Variants in LRP1B observed in about 807,000 individuals in gnomAD.
The protein encoded by LRP1B is LDL receptor related protein 1B.
A neutral mutation model predicts 556.6 loss-of-function variants in LRP1B; 217 were observed. The observed-to-expected ratio is 0.39, with a 90% confidence interval of 0.35 to 0.44. The LOEUF is 0.44. Ranked by LOEUF, LRP1B falls within the 20% of genes least tolerant of loss-of-function variation. LRP1B has a pLI of 1.00. For synonymous variants in LRP1B, 2,047 were observed against 1,865.8 expected (o/e 1.10, Z -2.50); for missense variants, 5,053 against 5,620.8 (o/e 0.90, Z 3.23).
At chr2:140,515,097 T>C (rs1689835861) in intron 50 of LRP1B, among the ~76,000 whole-genome samples, 2 of 152,164 alleles carry the variant, frequency 1.3e-5, no homozygotes, top group Non-Finnish European at 2.9e-5. Flanking sequence ...AGATATAAAA[T>C]ATATATTTCT....
At chr2:142,060,822 CAATT>C (rs1704878556) in intron 1 of LRP1B, among the ~76,000 whole-genome samples, 1 of 151,946 alleles carries the variant, frequency 6.6e-6, no homozygotes, top group African/African-American at 2.4e-5. Context: ...GTTAATAGAG[CAATT>C]AATTTGTCAA....
chr2:140,614,623 G>T (rs1683195228), intron 41 of LRP1B, among the ~76,000 whole-genome samples: 1 of 152,120 alleles, frequency 6.6e-6, no homozygotes, highest in South Asian at 2.1e-4. Flanking sequence ...TGGCAGAAGA[G>T]AAGAAAAAGT....
intron 41 of LRP1B, among the ~76,000 whole-genome samples, chr2:140,696,562 A>T (rs938321694): frequency 2.0e-5 from 3 of 152,310 alleles, no homozygotes; most frequent in South Asian, 4.1e-4. Context: ...AGAGGTTGCC[A>T]ACCCCTGGAC....
chr2:141,610,641 T>G (rs1688077535), intron 2 of LRP1B, among the ~76,000 whole-genome samples: 1 of 152,150 alleles, frequency 6.6e-6, no homozygotes, highest in Non-Finnish European at 1.5e-5. Flanking sequence ...CTTACTTGAT[T>G]GTAAATGCCT....
chr2:141,904,695 A>G (rs1000924452), intron 1 of LRP1B, among the ~76,000 whole-genome samples: 1 of 151,972 alleles, frequency 6.6e-6, no homozygotes, highest in Non-Finnish European at 1.5e-5. Flanking sequence ...GAGGATAGCT[A>G]GGAGGAAACA....
intron 32 of LRP1B, among the ~76,000 whole-genome samples, chr2:140,811,214 T>C (rs571019315): frequency 8.5e-5 from 13 of 152,314 alleles, no homozygotes; most frequent in African/African-American, 2.9e-4. Context: ...ATTCACAGCA[T>C]TGACACAATA....
chr2:140,650,309 TTTTATTTATTTATTTATTTATTTATTTA>T (rs67816685), intron 41 of LRP1B, among the ~76,000 whole-genome samples: 1 of 137,984 alleles, frequency 7.2e-6, no homozygotes, highest in African/African-American at 2.7e-5. Context: ...TTATTTTTAT[TTTTATTTATTTATTTATTTATTTATTTA>T]TTTATTTATT....
In LRP1B at chr2:140,582,439, G is replaced by A. The variant is rs547234962; in HGVS notation, c.7194+16192C>T. Among the ~76,000 whole-genome samples, 65 of 152,202 alleles carry A rather than the reference G, an allele frequency of 4.3e-4. 1 individual carries two copies. In the South Asian group the frequency reaches 5.2e-3, roughly 12 times the overall value. ...AAAGCAGGGTTATAATTGGTGCTAC[G>A]GTTCGAATGTCTTCCAAAATTTATG... is the stretch of plus-strand genomic sequence containing the variant. On this transcript the variant is annotated intron_variant, in intron 43 of 90. Transcript: ENST00000389484.
chr2:140,893,820 G>A (rs1431337899), intron 23 of LRP1B, among the ~76,000 whole-genome samples: 3 of 152,062 alleles, frequency 2.0e-5, no homozygotes, highest in Admixed American at 1.3e-4. Flanking sequence ...TAAATGAAGC[G>A]ACATATGTGA....
chr2:141,614,937 C>A (rs549998230), intron 2 of LRP1B, among the ~76,000 whole-genome samples: 1 of 152,102 alleles, frequency 6.6e-6, no homozygotes, highest in Non-Finnish European at 1.5e-5. Flanking sequence ...GGTATAATAA[C>A]GTGGAAGTGG....
At chr2:141,802,635 G>A (rs985472940) in intron 2 of LRP1B, among the ~76,000 whole-genome samples, 1 of 152,006 alleles carries the variant, frequency 6.6e-6, no homozygotes, top group Non-Finnish European at 1.5e-5. Flanking sequence ...GAGAAAAAAA[G>A]GCATCACCAT....
chr2:140,825,631 A>G (rs1371995566), intron 31 of LRP1B, among the ~76,000 whole-genome samples: 1 of 152,174 alleles, frequency 6.6e-6, no homozygotes, highest in African/African-American at 2.4e-5. Context: ...TGTGTATAAT[A>G]TTAGTCGTAA....
intron 1 of LRP1B, among the ~76,000 whole-genome samples, chr2:141,874,084 ATTTTTTTTTTT>A (rs200281267): frequency 4.8e-5 from 5 of 103,124 alleles, no homozygotes; most frequent in East Asian, 2.6e-4. Flanking sequence ...TGAACTAACA[ATTTTTTTTTTT>A]TTTTTTTTTT....
intron 7 of LRP1B, among the ~76,000 whole-genome samples, chr2:141,064,129 G>T (rs1469765722): frequency 6.6e-6 from 1 of 151,818 alleles, no homozygotes; most frequent in Non-Finnish European, 1.5e-5. Context: ...AGTAAAGGAG[G>T]TCAGAAGTTA....
At chr2:141,291,523 A>T (rs1304651866) in intron 3 of LRP1B, among the ~76,000 whole-genome samples, 4 of 152,080 alleles carry the variant, frequency 2.6e-5, no homozygotes, top group Non-Finnish European at 2.9e-5. Context: ...GGCAAAATCT[A>T]TTTGAAGATA....
intron 4 of LRP1B, among the ~76,000 whole-genome samples, chr2:141,248,922 G>A (rs1028490571): frequency 3.3e-5 from 5 of 152,172 alleles, no homozygotes; most frequent in African/African-American, 1.2e-4. Flanking sequence ...AGACTCAAAT[G>A]TGTAAGAAGT....
chr2:141,420,426 T>C (rs992181604), intron 3 of LRP1B, among the ~76,000 whole-genome samples: 3 of 152,152 alleles, frequency 2.0e-5, no homozygotes, highest in South Asian at 4.1e-4. Flanking sequence ...CTGAAATCTT[T>C]TGGAGAAATA....
intron 83 of LRP1B, among the ~76,000 whole-genome samples, 174 bp from the exon 84 acceptor site, chr2:140,298,143 G>C (rs1358786388): frequency 1.3e-5 from 2 of 152,110 alleles, no homozygotes; most frequent in Non-Finnish European, 2.9e-5. Flanking sequence ...TTTTTCATAT[G>C]TTCAAGGAAA....
chr2:141,627,138 A>G (rs1008833674), intron 2 of LRP1B, among the ~76,000 whole-genome samples: 5 of 152,240 alleles, frequency 3.3e-5, no homozygotes, highest in Non-Finnish European at 5.9e-5. Context: ...CTATCAAGTC[A>G]TTGAAAGACA....
Sources: gnomAD v4.1 joint callset for allele counts (sites outside exome capture counted in the v4.1 genomes callset) on GRCh38, gnomAD v4.1.1 for gene constraint, MANE v1.5 for transcripts, NCBI Gene and HGNC (gene_info 2026-07-23, HGNC 2026-07-21) for gene names.